The following TRNT1 variants were observed in gnomAD, a reference collection of about 807,000 sequenced individuals.
TRNT1 encodes the protein CCA tRNA nucleotidyltransferase 1, mitochondrial.
A neutral mutation model predicts 45.6 loss-of-function variants in TRNT1; 44 were observed. That is an observed-to-expected ratio of 0.97 (90% CI 0.76 to 1.24). The LOEUF (loss-of-function observed/expected upper bound fraction) is 1.24. Among genes scored for constraint, TRNT1 ranks in the 50% most tolerant of loss-of-function variants. The pLI is 0.00. For missense variants in TRNT1, 633 were observed against 504.4 expected (o/e 1.25, Z -2.44); for synonymous variants, 201 against 171.4 (o/e 1.17, Z -1.35).
At chr3:3,136,302 C>G (rs1055551196) in intron 2 of TRNT1, among the ~76,000 whole-genome samples, 1 of 152,176 alleles carries the variant, frequency 6.6e-6, no homozygotes, top group Admixed American at 6.5e-5. Context: ...ATGCCATTCT[C>G]ACTAGGTTCC....
chr3:3,127,734 C>A (rs903968696), intron 1 of TRNT1: 3 of 152,310 alleles, frequency 2.0e-5, no homozygotes, highest in African/African-American at 7.2e-5. Context: ...AGACCAGAAA[C>A]TCGGTTAGAG....
intron 4 of TRNT1, among the ~76,000 whole-genome samples, chr3:3,143,113 G>A (rs931036084): frequency 3.9e-5 from 6 of 152,180 alleles, no homozygotes; most frequent in Non-Finnish European, 8.8e-5. Flanking sequence ...ACAGAGTGAA[G>A]TATCTCATAG....
At chr3:3,133,236 A>C (rs1163162815) in intron 2 of TRNT1, among the ~76,000 whole-genome samples, 2 of 152,150 alleles carry the variant, frequency 1.3e-5, no homozygotes, top group Admixed American at 1.3e-4. Flanking sequence ...GCTTCAGTAC[A>C]ATCATATGCT....
chr3:3,144,760 G>A, intron 5 of TRNT1, 50 bp downstream of exon 5: 1 of 1,437,616 alleles, frequency 7.0e-7, no homozygotes, highest in Non-Finnish European at 9.3e-7. Context: ...CATGACTAGA[G>A]CATAACAGTG....
At chr3:3,153,270 A>G (rs1706713265), downstream of TRNT1, 2 of 590,126 alleles carry the variant, frequency 3.4e-6, no homozygotes, top group Admixed American at 5.8e-5. Flanking sequence ...AATCTGGAAG[A>G]TGGTCTTAGC....
intron 2 of TRNT1, 81 bp from the exon 3 acceptor site, chr3:3,137,179 A>G: frequency 8.6e-7 from 1 of 1,156,476 alleles, no homozygotes; most frequent in Non-Finnish European, 1.2e-6. Context: ...CTAGATGGAA[A>G]AGCCTTGTAC....
At chr3:3,142,732 G>T (rs1049938782) in intron 4 of TRNT1, among the ~76,000 whole-genome samples, 1 of 151,962 alleles carries the variant, frequency 6.6e-6, no homozygotes, top group Non-Finnish European at 1.5e-5. Context: ...TCCAAATTTT[G>T]ATCTTGCCTT....
chr3:3,137,995 C>T (rs1559221526), intron 3 of TRNT1, among the ~76,000 whole-genome samples: 1 of 152,226 alleles, frequency 6.6e-6, no homozygotes, highest in Non-Finnish European at 1.5e-5. Flanking sequence ...TATTCCTGCA[C>T]TCTGTGCCAG....
At chr3:3,129,696 T>C (rs1320253065) in intron 2 of TRNT1, among the ~76,000 whole-genome samples, 1 of 152,250 alleles carries the variant, frequency 6.6e-6, no homozygotes, top group African/African-American at 2.4e-5. Context: ...ATGGCTTTTC[T>C]GTATGCTGTG....
rs755318517 is a variant in TRNT1, at chr3:3,140,622, A to T, written c.455A>T (p.Asp152Val). ...TGGCAGAAAGATGCGGAACGCAGAG[A>T]TCTCACTATAAATTCTATGTTTTTA... ...TDWQKDAERR[D>V]LTINSMFLGF... is the part of the protein sequence containing the mutation. Residue 152 changes from aspartate to valine, a missense_variant, in exon 4 of 8, where the codon GAT becomes GTT. Physicochemically the swap from Asp to Val is radical, Grantham distance 152. Transcript: ENST00000251607. 3 of 1,614,156 alleles carry T rather than the reference A, an allele frequency of 1.9e-6. No individual in the cohort carries two copies. Among genetic ancestry groups the T allele is most frequent in the East Asian group, 2.2e-5 (1 of 44,874 alleles).
intron 2 of TRNT1, chr3:3,129,562 A>G (rs1025108286): frequency 2.5e-5 from 11 of 431,602 alleles, no homozygotes; most frequent in Middle Eastern, 6.7e-4. Flanking sequence ...AGCCTGGGCA[A>G]CAGAGTGAGA....
At chr3:3,152,266 C>T (rs920098519), downstream of TRNT1, among the ~76,000 whole-genome samples, 2 of 151,694 alleles carry the variant, frequency 1.3e-5, no homozygotes, top group Admixed American at 1.3e-4. Flanking sequence ...GATTCTTGTG[C>T]CTCAGCATCC....
At chr3:3,129,863 A>T in intron 2 of TRNT1, 2 of 1,550,466 alleles carry the variant, frequency 1.3e-6, no homozygotes, top group Non-Finnish European at 1.7e-6. Flanking sequence ...TTTCGAACTT[A>T]CGCAGATTGA....
At chr3:3,139,376 A>C (rs1323511791) in intron 3 of TRNT1, among the ~76,000 whole-genome samples, 1 of 152,234 alleles carries the variant, frequency 6.6e-6, no homozygotes, top group Non-Finnish European at 1.5e-5. Flanking sequence ...AGAGAAGAGT[A>C]TGTATCAAAT....
At chr3:3,136,933 G>T in intron 2 of TRNT1, 1 of 276,216 alleles carries the variant, frequency 3.6e-6, no homozygotes, top group South Asian at 3.6e-5. Flanking sequence ...TTACAGATGT[G>T]AGCCACTGCG....
intron 2 of TRNT1, among the ~76,000 whole-genome samples, chr3:3,134,394 A>C (rs1382313472): frequency 2.6e-5 from 4 of 152,172 alleles, no homozygotes; most frequent in African/African-American, 9.7e-5. Context: ...AAAATCCTGA[A>C]TGGCAAGGTT....
rs1459323924 is a variant in TRNT1, at chr3:3,144,616, G to A, written c.514G>A (p.Gly172Ser). Reference sequence around the variant, plus strand: ...TGGCACTTTATTTGACTACTTTAATGGTTATGAAGATTTAAAAAATAAGAA... The same window carrying A: ...TGGCACTTTATTTGACTACTTTAATAGTTATGAAGATTTAAAAAATAAGAA... ...FDGTLFDYFN[G>S]YEDLKNKKVR... Residue 172 changes from glycine (G) to serine (S), a missense_variant, in exon 5 of 8, where the codon GGT becomes AGT. By Grantham distance (56) the Gly-to-Ser change is moderately conservative. Coordinates refer to ENST00000251607, the MANE Select transcript of TRNT1 (RefSeq NM_182916.3). 8.8e-6 allele frequency: 14 copies of A among 1,585,546 alleles called. No homozygotes were observed. The highest frequency in any genetic ancestry group is 1.4e-5 in the African/African-American group (1 of 73,998).
At position 3,148,385 on chromosome 3, in the gene TRNT1, C is replaced by A; in HGVS notation, c.*231C>A. ...TACAGTTCTTTTGGAATAGTTTCAC[C>A]TGAGAAAACATAGTTGGCTATTATC... On this transcript the variant is annotated 3_prime_UTR_variant, in exon 8 of 8. Transcript: ENST00000251607. 2.3e-6 allele frequency: 1 copy of A among 427,034 alleles called. No homozygotes were observed. 26.5% of individuals were successfully genotyped at this position (427,034 alleles called of 1,614,324 possible).
chr3:3,133,733 C>G (rs1705155513), intron 2 of TRNT1, among the ~76,000 whole-genome samples: 1 of 152,022 alleles, frequency 6.6e-6, no homozygotes, highest in East Asian at 2.0e-4. Flanking sequence ...AGAAGGCCAT[C>G]ATGTTAAAAT....
Sources: gnomAD v4.1 joint callset for allele counts (sites outside exome capture counted in the v4.1 genomes callset) on GRCh38, gnomAD v4.1.1 for gene constraint, MANE v1.5 for transcripts, NCBI Gene and HGNC (gene_info 2026-07-23, HGNC 2026-07-21) for gene names.